The following PTPRG variants were observed in gnomAD, a reference collection of about 807,000 sequenced individuals.
The protein encoded by PTPRG is receptor-type tyrosine-protein phosphatase gamma.
A neutral mutation model predicts 165.3 loss-of-function variants in PTPRG; 102 were observed. That is an observed-to-expected ratio of 0.62 (90% confidence interval 0.53 to 0.73). PTPRG has a LOEUF of 0.73. Among genes scored for constraint, PTPRG ranks in the 30% least tolerant of loss-of-function variants. The pLI, the probability that PTPRG is intolerant of heterozygous loss-of-function variation, is 0.00. For missense variants in PTPRG, 1,866 were observed against 1,861.4 expected (o/e 1.00, Z -0.05); for synonymous variants, 675 against 669.5 (o/e 1.01, Z -0.13).
intron 2 of PTPRG, among the ~76,000 whole-genome samples, chr3:61,807,060 G>A (rs1379822929): frequency 6.6e-6 from 1 of 152,120 alleles, no homozygotes; most frequent in Non-Finnish European, 1.5e-5. Flanking sequence ...GGACGGAGAG[G>A]ACAATTCAGG....
chr3:61,860,602 C>T (rs906652781), intron 2 of PTPRG, among the ~76,000 whole-genome samples: 5 of 151,756 alleles, frequency 3.3e-5, no homozygotes, highest in African/African-American at 4.8e-5. Context: ...CAGCACTCAC[C>T]GGCTAATTTT....
intron 2 of PTPRG, among the ~76,000 whole-genome samples, chr3:61,937,028 AC>A (rs769235030): frequency 6.6e-6 from 1 of 152,048 alleles, no homozygotes; most frequent in African/African-American, 2.4e-5. Context: ...TTTTTTTGAG[AC>A]ATCCCTCGGG....
chr3:61,898,137 A>C (rs1331533538), intron 2 of PTPRG, among the ~76,000 whole-genome samples: 1 of 152,202 alleles, frequency 6.6e-6, no homozygotes, highest in Non-Finnish European at 1.5e-5. Context: ...CCAATCTTAG[A>C]AAGAACACAT....
intron 2 of PTPRG, among the ~76,000 whole-genome samples, chr3:61,843,203 A>G (rs532007136): frequency 6.6e-6 from 1 of 152,388 alleles, no homozygotes; most frequent in African/African-American, 2.4e-5. Context: ...AAGTTAATCT[A>G]TAGCCCATCT....
At chr3:61,758,835 C>G (rs1423452711) in intron 2 of PTPRG, among the ~76,000 whole-genome samples, 2 of 152,130 alleles carry the variant, frequency 1.3e-5, no homozygotes, top group African/African-American at 4.8e-5. Context: ...TAAGGAGGAC[C>G]CATTTCACTG....
At chr3:61,896,465 T>C (rs2038355866) in intron 2 of PTPRG, among the ~76,000 whole-genome samples, 1 of 152,224 alleles carries the variant, frequency 6.6e-6, no homozygotes, top group Non-Finnish European at 1.5e-5. Context: ...GAAGGATATC[T>C]GGACTGATTC....
At chr3:62,035,936 T>C (rs1248091162) in intron 4 of PTPRG, among the ~76,000 whole-genome samples, 1 of 152,108 alleles carries the variant, frequency 6.6e-6, no homozygotes, top group Non-Finnish European at 1.5e-5. Context: ...CTGTAGGTTT[T>C]ATGGGTGAAG....
chr3:61,671,966 G>C, intron 1 of PTPRG, among the ~76,000 whole-genome samples: 1 of 135,464 alleles, frequency 7.4e-6, no homozygotes, highest in African/African-American at 2.9e-5. Flanking sequence ...TCCCAGACGG[G>C]GTGGCTGCTG....
chr3:61,679,836 C>T (rs1184172144), intron 1 of PTPRG, among the ~76,000 whole-genome samples: 2 of 152,070 alleles, frequency 1.3e-5, no homozygotes, highest in African/African-American at 4.8e-5. Context: ...AGTAAGACCT[C>T]AGCCGGCCTG....
chr3:62,243,508 G>A (rs1701212281), intron 14 of PTPRG: 1 of 221,714 alleles, frequency 4.5e-6, no homozygotes, highest in Admixed American at 5.7e-5. Context: ...CTAGCACTCT[G>A]TGTGGTAGGT....
chr3:61,577,343 T>C (rs1344033858), intron 1 of PTPRG, among the ~76,000 whole-genome samples: 2 of 152,192 alleles, frequency 1.3e-5, no homozygotes, highest in Non-Finnish European at 1.5e-5. Context: ...AGATTCCTTT[T>C]GATGTTGAGC....
chr3:61,641,198 T>C (rs1425192964), intron 1 of PTPRG, among the ~76,000 whole-genome samples: 1 of 152,072 alleles, frequency 6.6e-6, no homozygotes, highest in Non-Finnish European at 1.5e-5. Flanking sequence ...CACCGTTCCT[T>C]CCTCCTCCTC....
intron 5 of PTPRG, among the ~76,000 whole-genome samples, chr3:62,081,218 T>C (rs1018104026): frequency 1.3e-5 from 2 of 148,298 alleles, no homozygotes; most frequent in Non-Finnish European, 2.9e-5. Flanking sequence ...GATCGCGCCA[T>C]TGCACACCAG....
At chr3:61,663,099 C>T (rs1702711553) in intron 1 of PTPRG, among the ~76,000 whole-genome samples, 1 of 152,158 alleles carries the variant, frequency 6.6e-6, no homozygotes, top group Non-Finnish European at 1.5e-5. Context: ...GCCTGGGCAA[C>T]ATGGCGAAAC....
intron 17 of PTPRG, among the ~76,000 whole-genome samples, chr3:62,266,152 A>G (rs1701867486): frequency 6.6e-6 from 1 of 152,114 alleles, no homozygotes; most frequent in Non-Finnish European, 1.5e-5. Context: ...AATTAGATGT[A>G]ATTTTATTTT....
At chr3:62,013,939 G>A (rs1315534164) in intron 4 of PTPRG, among the ~76,000 whole-genome samples, 2 of 152,214 alleles carry the variant, frequency 1.3e-5, no homozygotes, top group Non-Finnish European at 2.9e-5. Flanking sequence ...TGCACTGAAG[G>A]TAGAGACTTC....
intron 18 of PTPRG, 30 bp from the exon 19 acceptor site, chr3:62,267,655 C>T (rs1295253112): frequency 6.2e-7 from 1 of 1,600,360 alleles, no homozygotes; most frequent in East Asian, 2.2e-5. Context: ...TAACTGCTTT[C>T]ATCTCACTTT....
chr3:62,085,171 A>G (rs1246832601), intron 5 of PTPRG, among the ~76,000 whole-genome samples: 1 of 152,220 alleles, frequency 6.6e-6, no homozygotes, highest in African/African-American at 2.4e-5. Flanking sequence ...TACTAAGTAA[A>G]ACTGAGTTAA....
rs569483318 is a variant in PTPRG at position 62,222,321 on chromosome 3, C to T, written c.2288+3338C>T. Among the ~76,000 whole-genome samples, 2 of 152,252 alleles carry T rather than the reference C, an allele frequency of 1.3e-5. No homozygotes were observed. The highest frequency in any genetic ancestry group is 2.1e-4 in the South Asian group (1 of 4,818). ...TTTGGTCTGTCTGTGTTTCTCTTGC[C>T]GTCAGTTTCTGGGATTTGCTGTCTG... On this transcript the variant is annotated intron_variant, in intron 13 of 29. Transcript: ENST00000474889. The surrounding 1 kb of genome is among the most constrained non-coding windows in gnomAD (Gnocchi z 4.5).
Sources: allele counts gnomAD v4.1 joint callset (sites outside exome capture counted in the v4.1 genomes callset), GRCh38; gene constraint gnomAD v4.1.1; non-coding constraint Gnocchi (gnomAD v3.1); transcripts MANE v1.5; gene names NCBI Gene and HGNC (gene_info 2026-07-23, HGNC 2026-07-21).